The following CYP26B1 variants were observed in gnomAD, a reference collection of about 807,000 sequenced individuals.
The protein encoded by CYP26B1 is cytochrome P450 family 26 subfamily B member 1.
In CYP26B1, 8 loss-of-function variants were observed where a neutral mutation model predicts 39.1. The ratio of observed to expected loss-of-function variants is 0.20; its 90% confidence interval spans 0.12 to 0.37. The LOEUF is 0.37. Among genes scored for constraint, CYP26B1 ranks in the 10% least tolerant of loss-of-function variants. The pLI is 1.00. For missense variants in CYP26B1, 615 were observed against 707.0 expected (o/e 0.87, Z 1.48); for synonymous variants, 321 against 314.3 (o/e 1.02, Z -0.23).
intron 2 of CYP26B1, among the ~76,000 whole-genome samples, chr2:72,137,740 G>A (rs957877634): frequency 1.3e-5 from 2 of 152,208 alleles, no homozygotes; most frequent in African/African-American, 4.8e-5. Flanking sequence ...GGCCCCGGGG[G>A]ACCTGGGACT....
intron 1 of CYP26B1, 67 bp from the exon 2 acceptor site, chr2:72,144,280 G>A (rs903411668): frequency 6.5e-7 from 1 of 1,550,218 alleles, no homozygotes; most frequent in Non-Finnish European, 8.7e-7. Flanking sequence ...GGGAGGGGCG[G>A]CGGACCCCAA....
At chr2:72,139,236 G>C (rs1021967408) in intron 2 of CYP26B1, among the ~76,000 whole-genome samples, 1 of 152,162 alleles carries the variant, frequency 6.6e-6, no homozygotes, top group Non-Finnish European at 1.5e-5. Flanking sequence ...CCGGAGCCTC[G>C]GCCTGCAGAG....
At position 72,135,188 on chromosome 2, in the gene CYP26B1, C is replaced by CA; in HGVS notation, c.660dup (p.Val221CysfsTer52). On this transcript the variant is annotated frameshift_variant, in exon 3 of 6. Transcript: ENST00000001146. LOFTEE classifies it high-confidence loss of function. ...GGCAGGTCGACAGGCAGGGAGAAGA[C>CA]ATTGTCCACAAACTGCTGGTAGACC... 1 of 1,614,094 alleles carries CA rather than the reference C, an allele frequency of 6.2e-7. No homozygotes were observed. Among genetic ancestry groups the CA allele is most frequent in the Non-Finnish European group, 8.5e-7 (1 of 1,180,032 alleles).
chr2:72,145,206 G>A (rs1677086072), intron 1 of CYP26B1, among the ~76,000 whole-genome samples: 1 of 152,240 alleles, frequency 6.6e-6, no homozygotes, highest in African/African-American at 2.4e-5. Flanking sequence ...GCACCCCCGA[G>A]GGGACAACTC....
intron 1 of CYP26B1, among the ~76,000 whole-genome samples, chr2:72,145,388 G>A (rs940301683): frequency 2.2e-4 from 34 of 152,366 alleles, no homozygotes; most frequent in African/African-American, 7.2e-4. Flanking sequence ...CGGGGAACGA[G>A]CTGGGAGCGC....
chr2:72,144,263 C>T lies in CYP26B1; in HGVS notation c.205-50G>A, dbSNP rs765769744. ...TCTCAGGGTGCACTTCTGCAGAGGG[C>T]CCGCGAGGGAGGGGCGGCGGACCCC... On this transcript the variant is annotated intron_variant, in intron 1 of 5. Coordinates refer to ENST00000001146, the MANE Select transcript of CYP26B1 (RefSeq NM_019885.4). The T allele has an allele frequency of 7.1e-6, 11 of 1,557,308 alleles. No individual in the cohort carries two copies. The East Asian group carries it at 2.3e-4, about 32-fold the overall frequency.
At chr2:72,146,817 G>A (rs1408718561) in intron 1 of CYP26B1, among the ~76,000 whole-genome samples, 1 of 152,206 alleles carries the variant, frequency 6.6e-6, no homozygotes, top group African/African-American at 2.4e-5. Context: ...GTGAACTCCA[G>A]GTTAATCTCC....
chr2:72,136,832 C>T (rs1331800376), intron 2 of CYP26B1, among the ~76,000 whole-genome samples: 3 of 152,214 alleles, frequency 2.0e-5, no homozygotes, highest in African/African-American at 7.2e-5. Flanking sequence ...AGCCCTTGGG[C>T]AAATGAAGGG....
chr2:72,145,781 G>C (rs1572931977), intron 1 of CYP26B1, among the ~76,000 whole-genome samples: 1 of 151,828 alleles, frequency 6.6e-6, no homozygotes. Context: ...TTATTTGTCC[G>C]CCGTTTCCAC....
At position 72,147,549 on chromosome 2, in the gene CYP26B1, C is replaced by T. The variant is rs2104108058; in HGVS notation, c.204+82G>A. 6 of 1,407,486 alleles carry T rather than the reference C, an allele frequency of 4.3e-6. No individual in the cohort carries two copies. Among genetic ancestry groups the T allele is most frequent in the Non-Finnish European group, 3.8e-6 (4 of 1,057,844 alleles). 87.2% of individuals were successfully genotyped at this position (1,407,486 alleles called of 1,614,324 possible). On this transcript the variant is annotated intron_variant, in intron 1 of 5. Transcript: ENST00000001146. This position sits in a 1 kb window ranked among gnomAD's most constrained non-coding sequence, Gnocchi z 6.1. ...ACCAGTGCCTTCAGGCTCCCGGCGC[C>T]CCCTGGCCGGCCCGCCGCTCCGTCT...
chr2:72,146,784 G>T (rs765194709), intron 1 of CYP26B1, among the ~76,000 whole-genome samples: 1 of 152,170 alleles, frequency 6.6e-6, no homozygotes, highest in Non-Finnish European at 1.5e-5. Context: ...CATTGCAAAA[G>T]CGATTGTCTG....
intron 2 of CYP26B1, among the ~76,000 whole-genome samples, chr2:72,143,718 G>A (rs1341598987): frequency 2.0e-5 from 3 of 152,226 alleles, no homozygotes; most frequent in African/African-American, 4.8e-5. Context: ...GACAGGCTTT[G>A]GACACCCCAG....
intron 4 of CYP26B1, among the ~76,000 whole-genome samples, chr2:72,134,147 T>C (rs1238837346): frequency 6.6e-6 from 1 of 152,144 alleles, no homozygotes; most frequent in Non-Finnish European, 1.5e-5. Context: ...GCAAAGATAG[T>C]GGGCAGGGGA....
In CYP26B1 at chr2:72,147,136, G is replaced by A. The variant is rs1328877765; in HGVS notation, c.204+495C>T. Among the ~76,000 whole-genome samples, 4 of 152,184 alleles carry A rather than the reference G, an allele frequency of 2.6e-5. No homozygotes were observed. The highest frequency in any genetic ancestry group is 9.6e-5 in the African/African-American group (4 of 41,454). On this transcript the variant is annotated intron_variant, in intron 1 of 5. Coordinates refer to ENST00000001146, the MANE Select transcript of CYP26B1 (RefSeq NM_019885.4). The surrounding 1 kb of genome is among the most constrained non-coding windows in gnomAD (Gnocchi z 6.1). ...TGTACCTGGCGCTGCCGACGGCGCCGCAGGAACACAGTTTTAAATCGGCAA... is the reference window on the plus strand; with the variant it reads ...TGTACCTGGCGCTGCCGACGGCGCCACAGGAACACAGTTTTAAATCGGCAA...
At chr2:72,145,542 A>T (rs1677098670) in intron 1 of CYP26B1, among the ~76,000 whole-genome samples, 1 of 152,238 alleles carries the variant, frequency 6.6e-6, no homozygotes, top group Non-Finnish European at 1.5e-5. Context: ...GGGGTGCGAC[A>T]GAAGGGGTGG....
chr2:72,136,435 G>A (rs1676779717), intron 2 of CYP26B1, among the ~76,000 whole-genome samples: 2 of 152,258 alleles, frequency 1.3e-5, no homozygotes, highest in South Asian at 4.1e-4. Flanking sequence ...TCCTGGCCTA[G>A]GCCCTGCATG....
chr2:72,136,939 G>A (rs1676796000), intron 2 of CYP26B1, among the ~76,000 whole-genome samples: 1 of 152,230 alleles, frequency 6.6e-6, no homozygotes, highest in Non-Finnish European at 1.5e-5. Flanking sequence ...TGGGCAGAGA[G>A]TAGCACACAG....
intron 1 of CYP26B1, 25 bp from the exon 2 acceptor site, chr2:72,144,238 T>C: frequency 4.4e-6 from 7 of 1,574,478 alleles, no homozygotes; most frequent in Non-Finnish European, 6.1e-6. Flanking sequence ...CCCGGGTCTC[T>C]CTCAGGGTGC....
chr2:72,135,858 G>T (rs1335657863), intron 2 of CYP26B1, among the ~76,000 whole-genome samples: 1 of 152,186 alleles, frequency 6.6e-6, no homozygotes, highest in Non-Finnish European at 1.5e-5. Context: ...CCTACTGGGT[G>T]CAGATTCTAG....
Sources: gnomAD v4.1 joint callset for allele counts (sites outside exome capture counted in the v4.1 genomes callset) on GRCh38, gnomAD v4.1.1 for gene constraint, Gnocchi (gnomAD v3.1) non-coding constraint, MANE v1.5 for transcripts, NCBI Gene and HGNC (gene_info 2026-07-23, HGNC 2026-07-21) for gene names.